Variants in CPQ observed in about 807,000 individuals in gnomAD.
The protein encoded by CPQ is carboxypeptidase Q.
In CPQ, 37 loss-of-function variants were observed where a neutral mutation model predicts 45.7. The observed-to-expected ratio is 0.81, with a 90% CI of 0.62 to 1.07. The LOEUF is 1.07. Ranked by LOEUF, CPQ falls within the 50% of genes least tolerant of loss-of-function variation. CPQ has a pLI of 0.00. For missense variants in CPQ, 537 were observed against 572.9 expected, an observed-to-expected ratio of 0.94 and a Z score of 0.64; for synonymous variants, 186 against 205.8, an observed-to-expected ratio of 0.90 and a Z score of 0.82.
At chr8:96,658,921 G>A (rs1233268951) in intron 1 of CPQ, among the ~76,000 whole-genome samples, 1 of 152,206 alleles carries the variant, frequency 6.6e-6, no homozygotes. Context: ...TGCATACAGT[G>A]TCAGACTTCT....
intron 4 of CPQ, among the ~76,000 whole-genome samples, chr8:96,912,791 C>G (rs929802459): frequency 6.6e-6 from 1 of 152,164 alleles, no homozygotes; most frequent in African/African-American, 2.4e-5. Flanking sequence ...TCAAATCTCC[C>G]TCGGCTACAT....
intron 6 of CPQ, among the ~76,000 whole-genome samples, chr8:97,060,952 C>G (rs529148755): frequency 3.9e-5 from 6 of 152,150 alleles, no homozygotes; most frequent in Non-Finnish European, 8.8e-5. Context: ...CATGTGCTAA[C>G]AATTAGATAA....
intron 1 of CPQ, among the ~76,000 whole-genome samples, chr8:96,691,985 A>C (rs1049341404): frequency 6.6e-6 from 1 of 152,240 alleles, no homozygotes; most frequent in Non-Finnish European, 1.5e-5. Context: ...ATCAAAACAT[A>C]CAATTACATA....
At chr8:97,014,383 G>T (rs1177589953) in intron 5 of CPQ, among the ~76,000 whole-genome samples, 1 of 152,100 alleles carries the variant, frequency 6.6e-6, no homozygotes, top group African/African-American at 2.4e-5. Flanking sequence ...AGGCGCAGTG[G>T]CTCACACCTG....
chr8:96,844,998 T>C (rs1381162257), intron 3 of CPQ, among the ~76,000 whole-genome samples: 3 of 152,214 alleles, frequency 2.0e-5, no homozygotes, highest in African/African-American at 7.2e-5. Flanking sequence ...AATATTCTAT[T>C]TCAAACAATA....
chr8:97,058,526 G>A (rs1810492338), intron 6 of CPQ, among the ~76,000 whole-genome samples: 1 of 152,174 alleles, frequency 6.6e-6, no homozygotes, highest in Non-Finnish European at 1.5e-5. Context: ...TCTTCAGGCA[G>A]GCAATTTAGT....
At chr8:96,662,809 A>C (rs1808849782) in intron 1 of CPQ, among the ~76,000 whole-genome samples, 1 of 152,062 alleles carries the variant, frequency 6.6e-6, no homozygotes, top group South Asian at 2.1e-4. Flanking sequence ...GCAACATGGC[A>C]AAACCTCAAC....
chr8:96,659,312 C>T (rs1192434549), intron 1 of CPQ: 1 of 152,176 alleles, frequency 6.6e-6, no homozygotes, highest in East Asian at 1.9e-4. Flanking sequence ...GTTCCAGCAG[C>T]TTCTGTTCCA....
At chr8:97,100,383 G>T (rs1452279624) in intron 7 of CPQ, among the ~76,000 whole-genome samples, 4 of 152,140 alleles carry the variant, frequency 2.6e-5, no homozygotes, top group Admixed American at 2.0e-4. Context: ...GGAGGAGAGA[G>T]GAGCGGGCAA....
chr8:96,784,924 C>T lies in CPQ; in HGVS notation c.27C>T (p.Phe9=), dbSNP rs746815323. Residue 9 remains phenylalanine, a synonymous_variant, in exon 2 of 8, where the codon TTC becomes TTT. Transcript: ENST00000220763. The part of the protein sequence containing the change: MKFLIFAF[F]GGVHLLSLCS... ...TGAAATTCCTTATCTTCGCATTTTT[C>T]GGTGGTGTTCACCTTTTATCCCTGT... 1.6e-5 allele frequency: 25 copies of T among 1,602,842 alleles called. No homozygotes were observed. The highest frequency in any genetic ancestry group is 6.8e-5 in the African/African-American group (5 of 73,908).
chr8:96,822,405 T>G (rs10955086), intron 2 of CPQ, among the ~76,000 whole-genome samples: 1 of 151,792 alleles, frequency 6.6e-6, no homozygotes, highest in Non-Finnish European at 1.5e-5. Context: ...TTCATATTCT[T>G]TGGATATGTG....
At chr8:96,822,751 G>T (rs1291186477) in intron 2 of CPQ, among the ~76,000 whole-genome samples, 1 of 151,882 alleles carries the variant, frequency 6.6e-6, no homozygotes, top group Non-Finnish European at 1.5e-5. Context: ...GCTTTTGTAG[G>T]TACAGTGACC....
intron 1 of CPQ, among the ~76,000 whole-genome samples, chr8:96,783,055 T>C (rs1810711056): frequency 6.6e-6 from 1 of 152,192 alleles, no homozygotes; most frequent in African/African-American, 2.4e-5. Flanking sequence ...GTTCCCGACT[T>C]TCTCTCTGGC....
chr8:96,746,252 G>T (rs995039261), intron 1 of CPQ, among the ~76,000 whole-genome samples: 12 of 152,194 alleles, frequency 7.9e-5, no homozygotes, highest in African/African-American at 2.9e-4. Context: ...TGCAAAAGCT[G>T]AGAGACTCCA....
At chr8:96,802,674 G>T (rs188093114) in intron 2 of CPQ, among the ~76,000 whole-genome samples, 40 of 152,254 alleles carry the variant, frequency 2.6e-4, no homozygotes, top group African/African-American at 9.1e-4. Flanking sequence ...ATGGCTTAAA[G>T]GTTTTAGGTC....
At chr8:96,852,631 T>C (rs954331726) in intron 3 of CPQ, among the ~76,000 whole-genome samples, 1 of 152,206 alleles carries the variant, frequency 6.6e-6, no homozygotes, top group Non-Finnish European at 1.5e-5. Flanking sequence ...TTTTTCACTC[T>C]TCTTTTGACA....
At chr8:96,910,658 C>T (rs1812647801) in intron 4 of CPQ, among the ~76,000 whole-genome samples, 1 of 152,110 alleles carries the variant, frequency 6.6e-6, no homozygotes, top group Non-Finnish European at 1.5e-5. Flanking sequence ...GGGCCTGCCA[C>T]CACGCCTGGC....
At chr8:96,668,082 G>A (rs919822938) in intron 1 of CPQ, among the ~76,000 whole-genome samples, 1 of 152,204 alleles carries the variant, frequency 6.6e-6, no homozygotes, top group Non-Finnish European at 1.5e-5. Context: ...GATATAGTTT[G>A]TGAGCTTCCC....
intron 1 of CPQ, among the ~76,000 whole-genome samples, chr8:96,668,005 A>T (rs116521548): frequency 0.012 from 1,814 of 152,192 alleles, 47 homozygotes; most frequent in African/African-American, 0.039. Context: ...GCATAAATTT[A>T]AAAAAAAGTT....
Sources: allele counts gnomAD v4.1 joint callset (sites outside exome capture counted in the v4.1 genomes callset), GRCh38; gene constraint gnomAD v4.1.1; transcripts MANE v1.5; gene names NCBI Gene and HGNC (gene_info 2026-07-23, HGNC 2026-07-21).